PRKCQ: variants seen among roughly 807,000 people sequenced by gnomAD.
PRKCQ encodes the protein protein kinase C theta type.
PRKCQ carries 41 observed loss-of-function variants against 91.2 expected under a neutral mutation model. The observed-to-expected ratio is 0.45, with a 90% CI of 0.35 to 0.58. PRKCQ has a LOEUF of 0.58. Among genes scored for constraint, PRKCQ ranks in the 20% least tolerant of loss-of-function variants. The pLI is 0.00. For missense variants in PRKCQ, 673 were observed against 896.5 expected (o/e 0.75, Z 3.18); for synonymous variants, 307 against 316.9 (o/e 0.97, Z 0.33).
chr10:6,487,041 G>T (rs998819238), intron 8 of PRKCQ, among the ~76,000 whole-genome samples: 3 of 152,192 alleles, frequency 2.0e-5, no homozygotes, highest in Non-Finnish European at 2.9e-5. Context: ...AAAGCCACAG[G>T]CTTCACCAGT....
intron 1 of PRKCQ, 169 bp from the exon 2 acceptor site, chr10:6,515,313 G>A: frequency 1.3e-6 from 2 of 1,505,220 alleles, no homozygotes; most frequent in Non-Finnish European, 1.8e-6. Flanking sequence ...GGACACTGCT[G>A]GACTCACCCA....
intron 4 of PRKCQ, among the ~76,000 whole-genome samples, chr10:6,503,917 C>T (rs1838050290): frequency 6.6e-6 from 1 of 152,074 alleles, no homozygotes; most frequent in African/African-American, 2.4e-5. Context: ...GGTGGGACTA[C>T]AGGCATGTGC....
At chr10:6,464,814 T>A (rs934730145) in intron 12 of PRKCQ, among the ~76,000 whole-genome samples, 3 of 152,330 alleles carry the variant, frequency 2.0e-5, no homozygotes, top group Admixed American at 6.5e-5. Flanking sequence ...ATGGATTAGA[T>A]CATTTCAGGG....
the PRKCQ span, among the ~76,000 whole-genome samples, chr10:6,398,456 G>T: frequency 6.6e-6 from 1 of 152,170 alleles, no homozygotes; most frequent in African/African-American, 2.4e-5. Flanking sequence ...CTTTCATGGA[G>T]GAAAAAAGCT....
chr10:6,413,904 G>A, the PRKCQ span, among the ~76,000 whole-genome samples: 1 of 152,366 alleles, frequency 6.6e-6, no homozygotes, highest in Admixed American at 6.5e-5. Context: ...TGGCCAAGGT[G>A]AAGTAACAGG....
chr10:6,481,800 C>T (rs1218100786), intron 11 of PRKCQ, among the ~76,000 whole-genome samples: 1 of 152,158 alleles, frequency 6.6e-6, no homozygotes, highest in African/African-American at 2.4e-5. Flanking sequence ...TTAAAATTTT[C>T]CTGGGAGTCC....
At chr10:6,503,372 T>C (rs890230045) in intron 4 of PRKCQ, among the ~76,000 whole-genome samples, 10 of 151,938 alleles carry the variant, frequency 6.6e-5, no homozygotes, top group Admixed American at 6.6e-4. Context: ...CACAGGAAGG[T>C]GTGAAATAGA....
chr10:6,509,378 T>C (rs970300961), intron 3 of PRKCQ, among the ~76,000 whole-genome samples: 10 of 152,212 alleles, frequency 6.6e-5, no homozygotes, highest in African/African-American at 7.2e-5. Flanking sequence ...ATTTTTAAAA[T>C]TGGGGAATTG....
chr10:6,571,060 G>A (rs1588436520), intron 1 of PRKCQ, among the ~76,000 whole-genome samples: 1 of 152,062 alleles, frequency 6.6e-6, no homozygotes, highest in Non-Finnish European at 1.5e-5. Context: ...AGCTGCCGTG[G>A]GAAGGAAGAT....
intron 1 of PRKCQ, among the ~76,000 whole-genome samples, chr10:6,535,869 C>G (rs1839564420): frequency 6.6e-6 from 1 of 152,190 alleles, no homozygotes; most frequent in South Asian, 2.1e-4. Context: ...CTGACGAAAC[C>G]AACTGCTGTG....
intron 15 of PRKCQ, among the ~76,000 whole-genome samples, chr10:6,453,945 T>C (rs992674167): frequency 1.3e-4 from 20 of 151,932 alleles, no homozygotes; most frequent in African/African-American, 4.8e-4. Flanking sequence ...CGGGGAGGGA[T>C]AGCATTAGGA....
At chr10:6,492,983 A>G (rs988611945) in intron 7 of PRKCQ, among the ~76,000 whole-genome samples, 2 of 152,218 alleles carry the variant, frequency 1.3e-5, no homozygotes, top group African/African-American at 2.4e-5. Flanking sequence ...CACTTACTAC[A>G]GCCATTTTCA....
At chr10:6,560,039 C>G (rs1840568943) in intron 1 of PRKCQ, among the ~76,000 whole-genome samples, 1 of 152,200 alleles carries the variant, frequency 6.6e-6, no homozygotes, top group Non-Finnish European at 1.5e-5. Flanking sequence ...CTTTCTCCTT[C>G]TCTTCTCCCC....
chr10:6,406,101 TAATG>T, the PRKCQ span, among the ~76,000 whole-genome samples: 155 of 152,344 alleles, frequency 1.0e-3, no homozygotes, highest in African/African-American at 3.3e-3. Context: ...ATTATGATAA[TAATG>T]CCCTTTGGAA....
chr10:6,532,125 G>C (rs1198920336), intron 1 of PRKCQ, among the ~76,000 whole-genome samples: 2 of 152,084 alleles, frequency 1.3e-5, no homozygotes, highest in Admixed American at 1.3e-4. Context: ...GCCAGATGTC[G>C]GACCCTATCA....
chr10:6,541,975 C>T (rs1839790974), intron 1 of PRKCQ, among the ~76,000 whole-genome samples: 1 of 152,160 alleles, frequency 6.6e-6, no homozygotes. Flanking sequence ...GAGCCCAAAG[C>T]AATTCTGCGC....
chr10:6,557,083 C>T (rs1003046797), intron 1 of PRKCQ, among the ~76,000 whole-genome samples: 2 of 152,212 alleles, frequency 1.3e-5, no homozygotes, highest in Non-Finnish European at 2.9e-5. Context: ...CTTATAAACA[C>T]CCTCCGGTTT....
At chr10:6,413,900 A>G in the PRKCQ span, among the ~76,000 whole-genome samples, 2 of 152,286 alleles carry the variant, frequency 1.3e-5, no homozygotes, top group Non-Finnish European at 2.9e-5. Flanking sequence ...CTGCTGGCCA[A>G]GGTGAAGTAA....
At chr10:6,578,434 G>A (rs1458601253) in intron 1 of PRKCQ, among the ~76,000 whole-genome samples, 2 of 152,198 alleles carry the variant, frequency 1.3e-5, no homozygotes, top group East Asian at 3.8e-4. Context: ...GAAGAAAATC[G>A]CAGGTCACTG....
Sources: allele counts gnomAD v4.1 joint callset (sites outside exome capture counted in the v4.1 genomes callset), GRCh38; gene constraint gnomAD v4.1.1; transcripts MANE v1.5; gene names NCBI Gene and HGNC (gene_info 2026-07-23, HGNC 2026-07-21).